ZNF551: variants seen among roughly 807,000 people sequenced by gnomAD.
ZNF551 encodes the protein zinc finger protein 551, also known as KOX 23 protein (56 AA).
A neutral mutation model predicts 7.9 loss-of-function variants in ZNF551; 5 were observed. The observed-to-expected ratio is 0.63, with a 90% confidence interval of 0.33 to 1.33. ZNF551 has a LOEUF of 1.33. Among genes scored for constraint, ZNF551 ranks in the 40% most tolerant of loss-of-function variants. The pLI, the probability that ZNF551 is intolerant of heterozygous loss-of-function variation, is 0.05. For synonymous variants in ZNF551, 287 were observed against 277.3 expected, an observed-to-expected ratio of 1.03 and a Z score of -0.35; for missense variants, 788 against 825.2, an observed-to-expected ratio of 0.95 and a Z score of 0.55.
intron 2 of ZNF551, 180 bp downstream of exon 2, chr19:57,685,565 G>T: frequency 2.3e-6 from 2 of 877,136 alleles, no homozygotes; most frequent in Non-Finnish European, 3.7e-6. Context: ...TCCTCTAGCT[G>T]CCATTTCCTT....
intron 1 of ZNF551, among the ~76,000 whole-genome samples, chr19:57,684,762 CT>C (rs2122330014): frequency 6.6e-6 from 1 of 152,146 alleles, no homozygotes; most frequent in South Asian, 2.1e-4. Context: ...GCTGTGTGAC[CT>C]TTGAGGTTGT....
intron 1 of ZNF551, among the ~76,000 whole-genome samples, chr19:57,683,462 C>T (rs1984453878): frequency 6.6e-6 from 1 of 152,100 alleles, no homozygotes; most frequent in Non-Finnish European, 1.5e-5. Flanking sequence ...TATTTTTGAC[C>T]TGCTAAGAGT....
Position 57,686,882 on chromosome 19 carries a change from G to A in ZNF551, c.607G>A (p.Glu203Lys), listed in dbSNP as rs776303245. The A allele has an allele frequency of 3.1e-6, 5 of 1,614,072 alleles. No individual in the cohort carries two copies. Among genetic ancestry groups the A allele is most frequent in the Non-Finnish European group, 3.4e-6 (4 of 1,180,044 alleles). Residue 203 changes from glutamate to lysine, a missense_variant, in exon 3 of 3, where the codon GAG (glutamate) becomes AAG (lysine). Glu to Lys is a moderately conservative substitution (Grantham distance 56). Transcript: ENST00000282296. ...LLQHEATPSG[E>K]EPHSSSSKHI... Reference sequence around the variant, plus strand: ...CCAACACGAAGCCACTCCCAGTGGTGAGGAGCCACACAGTAGCAGCAGCAA... The same window carrying A: ...CCAACACGAAGCCACTCCCAGTGGTAAGGAGCCACACAGTAGCAGCAGCAA...
In ZNF551 at chr19:57,687,468, A is replaced by C; in HGVS notation, c.1193A>C (p.Lys398Thr). 1 of 1,614,138 alleles carries C rather than the reference A, an allele frequency of 6.2e-7. No homozygotes were observed. ...CCTTATCAGTGCTGTGAGTGTGGGAAATCCTTTAGACAAATCTTCAATCTC... is the reference window on the plus strand; with the variant it reads ...CCTTATCAGTGCTGTGAGTGTGGGACATCCTTTAGACAAATCTTCAATCTC... ...ERPYQCCECG[K>T]SFRQIFNLIR... The change falls in exon 3 of 3, where the codon AAA (lysine) becomes ACA (threonine). Residue 398 changes from lysine to threonine, a missense_variant. Transcript: ENST00000282296.
At chr19:57,685,136 CGGT>C in intron 1 of ZNF551, 123 bp from the exon 2 acceptor site, 1 of 1,257,002 alleles carries the variant, frequency 8.0e-7, no homozygotes, top group African/African-American at 1.5e-5. Flanking sequence ...GGGTAGGCAT[CGGT>C]GGCACTGTGG....
chr19:57,682,857 T>G (rs1984434651), intron 1 of ZNF551, among the ~76,000 whole-genome samples: 1 of 152,192 alleles, frequency 6.6e-6, no homozygotes, highest in African/African-American at 2.4e-5. Flanking sequence ...GCCCAGAGTC[T>G]TAAGTCCAGG....
rs1374857219 is a variant in ZNF551, at chr19:57,690,626, TAAAG to T, written c.*2339_*2342del. 3 of 149,820 alleles carry T rather than the reference TAAAG, an allele frequency of 2.0e-5. No individual in the cohort carries two copies. Among genetic ancestry groups the T allele is most frequent in the Admixed American group, 2.0e-4 (3 of 15,018 alleles). The allele number at this position is 149,820 out of a possible 1,614,324, so 9.3% of individuals were successfully genotyped here. ...TTTATAGATTTTTGTATATTACAAA[TAAAG>T]CTGCTGTAAATACTTGAATTCATTT... On this transcript the variant is annotated 3_prime_UTR_variant, in exon 3 of 3. Transcript: ENST00000282296.
At chr19:57,682,497 G>A (rs898373863) in intron 1 of ZNF551, among the ~76,000 whole-genome samples, 1 of 152,206 alleles carries the variant, frequency 6.6e-6, no homozygotes, top group African/African-American at 2.4e-5. Flanking sequence ...CGGGTCTGCA[G>A]GAACATAGAG....
rs765954435 is a variant in ZNF551 at position 57,687,117 on chromosome 19, G to A, written c.842G>A (p.Cys281Tyr). 1.7e-5 allele frequency: 28 copies of A among 1,614,244 alleles called. No homozygotes were observed. The East Asian group carries it at 5.8e-4, about 33-fold the overall frequency. The change falls in exon 3 of 3, where the codon TGT becomes TAT. Residue 281 changes from cysteine to tyrosine, a missense_variant. Coordinates refer to ENST00000282296, the MANE Select transcript of ZNF551 (RefSeq NM_138347.5). ...QIHTGQKMFE[C>Y]SECEESFSKK... is the part of the protein sequence containing the mutation. ...CACACTGGACAAAAGATGTTTGAGT[G>A]TAGTGAATGTGAGGAATCCTTTAGC...
chr19:57,687,895 T>G lies in ZNF551; in HGVS notation c.1620T>G (p.Phe540Leu). ...AGTGCAGTGAATGTGGCAAATCTTT[T>G]AGACAGCGCTCTGGCCTCATTCAGC... ...PYECSECGKS[F>L]RQRSGLIQHR... The change falls in exon 3 of 3, where the codon TTT becomes TTG. Residue 540 changes from phenylalanine (F) to leucine (L), a missense_variant. Physicochemically the swap from Phe to Leu is conservative, Grantham distance 22. Coordinates refer to ENST00000282296, the MANE Select transcript of ZNF551 (RefSeq NM_138347.5). 2 of 1,614,218 alleles carry G rather than the reference T, an allele frequency of 1.2e-6. No individual in the cohort carries two copies. The highest frequency in any genetic ancestry group is 1.7e-6 in the Non-Finnish European group (2 of 1,180,040).
rs544037096 is a variant in ZNF551 at position 57,685,221 on chromosome 19, T to A, written c.82-41T>A. On this transcript the variant is annotated intron_variant, in intron 1 of 2. Coordinates refer to ENST00000282296, the MANE Select transcript of ZNF551 (RefSeq NM_138347.5). The stretch of plus-strand genomic sequence containing the variant: ...TGTTGGGGGCAAGAGGATAATGAAC[T>A]CCGGGTCTGATCGTGGATTGAACTA... The A allele has an allele frequency of 2.0e-5, 32 of 1,608,202 alleles. No individual in the cohort carries two copies. The Admixed American group carries it at 5.0e-4, about 25-fold the overall frequency.
chr19:57,685,282 G>T lies in ZNF551; in HGVS notation c.102G>T (p.Val34=), dbSNP rs565948401. The T allele has an allele frequency of 6.2e-7, 1 of 1,614,098 alleles. No homozygotes were observed. Among genetic ancestry groups the T allele is most frequent in the East Asian group, 2.2e-5 (1 of 44,872 alleles). ...DSAQGMTFED[V]AIYFSQEEWE... is the part of the protein sequence containing the mutation. Reference sequence around the variant, plus strand: ...GACAGGGTATGACCTTTGAGGATGTGGCCATTTATTTCTCCCAAGAAGAGT... The same window carrying T: ...GACAGGGTATGACCTTTGAGGATGTTGCCATTTATTTCTCCCAAGAAGAGT... The change falls in exon 2 of 3, where the codon GTG becomes GTT. Residue 34 remains valine (V), a synonymous_variant. Transcript: ENST00000282296.
At position 57,687,473 on chromosome 19, in the gene ZNF551, T is replaced by G. The variant is rs1984607834; in HGVS notation, c.1198T>G (p.Phe400Val). The change falls in exon 3 of 3, where the codon TTT (phenylalanine) becomes GTT (valine). Residue 400 changes from phenylalanine to valine, a missense_variant. Phe to Val is a conservative substitution (Grantham distance 50, BLOSUM62 -1). Transcript: ENST00000282296. The part of the protein sequence containing the change: ...PYQCCECGKS[F>V]RQIFNLIRHR... ...TCAGTGCTGTGAGTGTGGGAAATCC[T>G]TTAGACAAATCTTCAATCTCATTCG... The G allele has an allele frequency of 2.5e-6, 4 of 1,614,142 alleles. No individual in the cohort carries two copies. Among genetic ancestry groups the G allele is most frequent in the Middle Eastern group, 1.6e-4 (1 of 6,062 alleles).
chr19:57,686,859 A>G lies in ZNF551; in HGVS notation c.584A>G (p.Gln195Arg), dbSNP rs1227553701. The G allele has an allele frequency of 6.2e-7, 1 of 1,614,194 alleles. No homozygotes were observed. The highest frequency in any genetic ancestry group is 1.1e-5 in the South Asian group (1 of 91,088). Reference protein sequence around the residue: ...EAFPAPTDLLQHEATPSGEEP... With the variant: ...EAFPAPTDLLRHEATPSGEEP... Reference sequence around the variant, plus strand: ...TTCCCAGCCCCCACGGACCTACTCCAACACGAAGCCACTCCCAGTGGTGAG... The same window carrying G: ...TTCCCAGCCCCCACGGACCTACTCCGACACGAAGCCACTCCCAGTGGTGAG... Residue 195 changes from glutamine (Q) to arginine (R), a missense_variant, in exon 3 of 3, where the codon CAA becomes CGA. By Grantham distance (43) the Gln-to-Arg change is conservative. Coordinates refer to ENST00000282296, the MANE Select transcript of ZNF551 (RefSeq NM_138347.5).
chr19:57,682,854 G>A (rs1984434442), intron 1 of ZNF551, among the ~76,000 whole-genome samples: 1 of 152,232 alleles, frequency 6.6e-6, no homozygotes, highest in African/African-American at 2.4e-5. Context: ...AAAGCCCAGA[G>A]TCTTAAGTCC....
Position 57,682,077 on chromosome 19 carries a change from A to C in ZNF551, c.-87A>C. The C allele has an allele frequency of 1.6e-5, 22 of 1,405,234 alleles. No homozygotes were observed. Among genetic ancestry groups the C allele is most frequent in the Non-Finnish European group, 1.7e-5 (18 of 1,035,546 alleles). The allele number at this position is 1,405,234 out of a possible 1,614,324, so 87.0% of individuals were successfully genotyped here. The stretch of plus-strand genomic sequence containing the variant: ...GGAGGTCGCGACTGAGGGACGGGAC[A>C]GAGAAGTCGCGAAAGTGGGCCAGAG... On this transcript the variant is annotated 5_prime_UTR_variant, in exon 1 of 3. Coordinates refer to ENST00000282296, the MANE Select transcript of ZNF551 (RefSeq NM_138347.5).
In ZNF551 at chr19:57,686,983, C is replaced by A. The variant is rs1269226175; in HGVS notation, c.708C>A (p.His236Gln). The change falls in exon 3 of 3, where the codon CAC becomes CAA. Residue 236 changes from histidine to glutamine, a missense_variant. Coordinates refer to ENST00000282296, the MANE Select transcript of ZNF551 (RefSeq NM_138347.5). The stretch of plus-strand genomic sequence containing the variant: ...ACAGAAAAGCTTCAAGCCACAAACA[C>A]ACACTTGTTCAGCATCAGAGTGTCT... ...GEYRKASSHK[H>Q]TLVQHQSVCS... 1.9e-6 allele frequency: 3 copies of A among 1,614,198 alleles called. No individual in the cohort carries two copies. The South Asian group carries it at 3.3e-5, about 18-fold the overall frequency.
Position 57,686,743 on chromosome 19 carries a change from A to C in ZNF551, c.468A>C (p.Glu156Asp). The C allele has an allele frequency of 6.2e-7, 1 of 1,614,212 alleles. No individual in the cohort carries two copies. The change falls in exon 3 of 3, where the codon GAA (glutamate) becomes GAC (aspartate). Residue 156 changes from glutamate (E) to aspartate (D), a missense_variant. Physicochemically the swap from Glu to Asp is conservative, Grantham distance 45. Transcript: ENST00000282296. ...ACCAGCATCAAAAGCATTACAATGAAGAAGAGCCCTGGAAAAGGAAGGTGG... is the reference window on the plus strand; with the variant it reads ...ACCAGCATCAAAAGCATTACAATGACGAAGAGCCCTGGAAAAGGAAGGTGG... ...DLHQHQKHYN[E>D]EEPWKRKVDE...
At chr19:57,685,529 A>G in intron 2 of ZNF551, 144 bp downstream of exon 2, 5 of 1,317,944 alleles carry the variant, frequency 3.8e-6, no homozygotes, top group Non-Finnish European at 5.4e-6. Flanking sequence ...GATTCATGGT[A>G]CCTTGTGGCC....
Sources: allele counts gnomAD v4.1 joint callset (sites outside exome capture counted in the v4.1 genomes callset), GRCh38; gene constraint gnomAD v4.1.1; transcripts MANE v1.5; gene names NCBI Gene and HGNC (gene_info 2026-07-23, HGNC 2026-07-21).